COL4A6: variants seen among roughly 807,000 people sequenced by gnomAD.
The protein encoded by COL4A6 is collagen type IV alpha 6 chain.
COL4A6 carries 59 observed loss-of-function variants against 126.7 expected under a neutral mutation model. The observed-to-expected ratio is 0.47, with a 90% CI of 0.38 to 0.58. The LOEUF is 0.58. COL4A6 is among the 20% of genes least tolerant of loss of function. The pLI is 0.00. For missense variants in COL4A6, 1,285 were observed against 1,337.3 expected (o/e 0.96, Z 0.61); for synonymous variants, 547 against 496.6 (o/e 1.10, Z -1.35).
At chrX:108,356,346 TA>T (rs762205276) in intron 2 of COL4A6, among the ~76,000 whole-genome samples, 4 of 109,430 alleles carry the variant, frequency 3.7e-5, no homozygotes, top group South Asian at 3.9e-4. Context: ...TAAAATAAAA[TA>T]AAAAAAAGAA....
At chrX:108,365,545 T>C (rs1469238716) in intron 2 of COL4A6, among the ~76,000 whole-genome samples, 1 of 111,738 alleles carries the variant, frequency 8.9e-6, no homozygotes, top group African/African-American at 3.3e-5. Flanking sequence ...TCAGTAAATA[T>C]ATAGCTGCCT....
At chrX:108,241,120 A>G (rs2036560581) in intron 3 of COL4A6, among the ~76,000 whole-genome samples, 1 of 110,951 alleles carries the variant, frequency 9.0e-6, no homozygotes, top group Non-Finnish European at 1.9e-5. Context: ...TAGAAGTTAT[A>G]AAAAATGTAA....
chrX:108,354,466 A>G (rs926162785), intron 2 of COL4A6, among the ~76,000 whole-genome samples: 1 of 111,389 alleles, frequency 9.0e-6, no homozygotes, highest in African/African-American at 3.3e-5. Flanking sequence ...CAGGCATAAT[A>G]TAGCCCTGAA....
At chrX:108,259,520 T>C (rs748472379) in intron 3 of COL4A6, among the ~76,000 whole-genome samples, 17 of 111,567 alleles carry the variant, frequency 1.5e-4, no homozygotes, top group African/African-American at 5.2e-4. Context: ...CTCTCCGAGT[T>C]AGGAGGCCGG....
chrX:108,425,733 AACACACACACAC>A (rs752707988), intron 2 of COL4A6, among the ~76,000 whole-genome samples: 3 of 90,588 alleles, frequency 3.3e-5, no homozygotes, highest in South Asian at 5.3e-4. Flanking sequence ...CACACACACA[AACACACACACAC>A]ACACACACAC....
chrX:108,377,390 T>C (rs771420695), intron 2 of COL4A6, among the ~76,000 whole-genome samples: 95 of 100,497 alleles, frequency 9.5e-4, no homozygotes, highest in African/African-American at 3.0e-3. Flanking sequence ...TTCCTCTTTC[T>C]TTTTTTTTTT....
chrX:108,233,353 A>G (rs2036358164), intron 3 of COL4A6, among the ~76,000 whole-genome samples: 1 of 111,403 alleles, frequency 9.0e-6, no homozygotes. Flanking sequence ...AGCTGGTGGG[A>G]GCTGATTGCT....
intron 3 of COL4A6, among the ~76,000 whole-genome samples, chrX:108,294,409 TTTTTGG>T (rs1569412153): frequency 2.3e-5 from 2 of 87,795 alleles, no homozygotes; most frequent in Admixed American, 1.6e-4. Context: ...GTTTTTTTTT[TTTTTGG>T]TGTGTGTGTG....
intron 2 of COL4A6, among the ~76,000 whole-genome samples, chrX:108,411,504 C>G (rs2041328992): frequency 9.0e-6 from 1 of 111,487 alleles, no homozygotes; most frequent in Non-Finnish European, 1.9e-5. Context: ...ACACTGTTAT[C>G]TCCACTTTAC....
intron 3 of COL4A6, among the ~76,000 whole-genome samples, chrX:108,297,773 T>A (rs1161777607): frequency 9.0e-6 from 1 of 110,712 alleles, no homozygotes; most frequent in African/African-American, 3.3e-5. Flanking sequence ...GAGGGGCAAC[T>A]TACACTCAAA....
chrX:108,326,175 A>G (rs1196902541), intron 2 of COL4A6, among the ~76,000 whole-genome samples: 2 of 112,559 alleles, frequency 1.8e-5, no homozygotes, highest in Non-Finnish European at 3.8e-5. Flanking sequence ...CAAAAAAACT[A>G]CTAGAACTAA....
chrX:108,160,779 T>C, intron 42 of COL4A6, 125 bp from the exon 43 acceptor site: 3 of 628,088 alleles, frequency 4.8e-6, no homozygotes, highest in Non-Finnish European at 6.7e-6. Flanking sequence ...ATCCTCACGA[T>C]GACCCTGGAA....
chrX:108,424,407 A>G (rs1343080903), intron 2 of COL4A6, among the ~76,000 whole-genome samples: 2 of 112,247 alleles, frequency 1.8e-5, no homozygotes, highest in African/African-American at 6.5e-5. Flanking sequence ...TTGTTTTTCT[A>G]GAAGTTTTCT....
intron 19 of COL4A6, 117 bp from the exon 20 acceptor site, chrX:108,190,613 GA>G (rs1323648812): frequency 2.3e-6 from 1 of 431,817 alleles, no homozygotes; most frequent in African/African-American, 2.5e-5. Flanking sequence ...CAACAGAGCA[GA>G]GACAAAAAAA....
In COL4A6 at chrX:108,435,135, G is replaced by A. The variant is rs138742837; in HGVS notation, c.63+2807C>T. 4.4e-3 allele frequency among the ~76,000 whole-genome samples: 489 copies of A among 111,351 alleles called. 4 individuals are homozygous for A. The highest frequency in any genetic ancestry group is 0.014 in the African/African-American group (441 of 30,635). On this transcript the variant is annotated intron_variant, in intron 2 of 44. Coordinates refer to ENST00000334504, the MANE Select transcript of COL4A6 (RefSeq NM_033641.4). Reference sequence around the variant, plus strand: ...AGGCATTTTACCTATGCTCTCTGCAGAAGGAACAATAGAAATGTTTTCTCT... The same window carrying A: ...AGGCATTTTACCTATGCTCTCTGCAAAAGGAACAATAGAAATGTTTTCTCT...
chrX:108,160,749 C>A, intron 42 of COL4A6, 95 bp from the exon 43 acceptor site: 1 of 800,924 alleles, frequency 1.2e-6, no homozygotes. Flanking sequence ...GCATGTTATA[C>A]ACATGTATTA....
chrX:108,180,692 G>A, intron 24 of COL4A6, 70 bp from the exon 25 acceptor site: 1 of 896,779 alleles, frequency 1.1e-6, no homozygotes, highest in Non-Finnish European at 1.6e-6. Flanking sequence ...GTGATGTTCA[G>A]TCAAGAATCC....
chrX:108,369,380 A>G (rs1037912103), intron 2 of COL4A6, among the ~76,000 whole-genome samples: 2 of 111,814 alleles, frequency 1.8e-5, no homozygotes, highest in African/African-American at 6.5e-5. Context: ...GTAAACCTGG[A>G]CAGTTCAACC....
chrX:108,168,723 C>G (rs1287760305), intron 37 of COL4A6, among the ~76,000 whole-genome samples: 1 of 111,941 alleles, frequency 8.9e-6, no homozygotes, highest in Admixed American at 9.5e-5. Context: ...GAACAAGTAA[C>G]TTCCTTGTTT....
Sources: gnomAD v4.1 joint callset for allele counts (sites outside exome capture counted in the v4.1 genomes callset) on GRCh38, gnomAD v4.1.1 for gene constraint, MANE v1.5 for transcripts, NCBI Gene and HGNC (gene_info 2026-07-23, HGNC 2026-07-21) for gene names.